The following DCUN1D3 variants were observed in gnomAD, a reference collection of about 807,000 sequenced individuals.
The protein encoded by DCUN1D3 is DCN1-like protein 3.
DCUN1D3 carries 6 observed loss-of-function variants against 24.8 expected under a neutral mutation model. The ratio of observed to expected loss-of-function variants is 0.24; its 90% confidence interval spans 0.13 to 0.48. The LOEUF (loss-of-function observed/expected upper bound fraction) is 0.48, where lower values mean the gene tolerates loss of function less well. DCUN1D3 is among the 20% of genes least tolerant of loss of function. The probability of loss-of-function intolerance (pLI) is 0.99; values close to 1 mark genes in which losing one functional copy is unlikely to be tolerated. For synonymous variants in DCUN1D3, 120 were observed against 144.9 expected (o/e 0.83, Z 1.24); for missense variants, 258 against 379.4 (o/e 0.68, Z 2.66).
chr16:20,896,465 T>C (rs1307623239), intron 1 of DCUN1D3: 1 of 152,184 alleles, frequency 6.6e-6, no homozygotes, highest in African/African-American at 2.4e-5. Context: ...CTTAAATTTG[T>C]GGATTCTTTC....
chr16:20,862,288 T>C lies in DCUN1D3; in HGVS notation c.251A>G (p.Glu84Gly), dbSNP rs2081737530. 6.2e-7 allele frequency: 1 copy of C among 1,614,104 alleles called. No homozygotes were observed. Among genetic ancestry groups the C allele is most frequent in the Non-Finnish European group, 8.5e-7 (1 of 1,180,054 alleles). ...DAGRESKSNAEESSLQRLEEL... is the reference protein window; with the variant it reads ...DAGRESKSNAGESSLQRLEEL... ...TTCCAATCTTTGCAAGGAAGACTCCTCGGCATTGGACTTGGACTCCCTCCC... is the reference window on the plus strand; with the variant it reads ...TTCCAATCTTTGCAAGGAAGACTCCCCGGCATTGGACTTGGACTCCCTCCC... Residue 84 changes from glutamate (E) to glycine (G), a missense_variant, in exon 2 of 3, where the codon GAG becomes GGG. Glu to Gly is a moderately conservative substitution (Grantham distance 98). Coordinates refer to ENST00000324344, the MANE Select transcript of DCUN1D3 (RefSeq NM_173475.4).
intron 1 of DCUN1D3, among the ~76,000 whole-genome samples, chr16:20,868,313 A>T (rs568729762): frequency 3.3e-5 from 5 of 152,364 alleles, no homozygotes; most frequent in African/African-American, 1.2e-4. Flanking sequence ...AGCTCTGTGA[A>T]GCAATTACCC....
intron 1 of DCUN1D3, among the ~76,000 whole-genome samples, chr16:20,893,993 G>A (rs1463216357): frequency 1.3e-5 from 2 of 152,316 alleles, no homozygotes; most frequent in East Asian, 3.9e-4. Flanking sequence ...CAGGCCAGGT[G>A]TGGTGGCTCA....
At chr16:20,864,824 G>T (rs1238442235) in intron 1 of DCUN1D3, among the ~76,000 whole-genome samples, 4 of 152,180 alleles carry the variant, frequency 2.6e-5, no homozygotes, top group African/African-American at 9.7e-5. Context: ...AAAAGAACGA[G>T]ATCATGTCTT....
rs2152516032 is a variant in DCUN1D3, at chr16:20,862,624, A to G, written c.-86T>C. On this transcript the variant is annotated 5_prime_UTR_variant, in exon 2 of 3. Transcript: ENST00000324344. ...GGCCCATGTACCTCAACATGCCATC[A>G]GCCAGAGGAGCCAGCCAACCTGGAA... 6.6e-7 allele frequency: 1 copy of G among 1,520,042 alleles called. No individual in the cohort carries two copies. The highest frequency in any genetic ancestry group is 2.1e-5 in the Admixed American group (1 of 46,752). 94.2% of individuals were successfully genotyped at this position (1,520,042 alleles called of 1,614,324 possible).
rs543733330 is a variant in DCUN1D3 at position 20,863,929 on chromosome 16, CTG to C, written c.-105-1288_-105-1287del. On this transcript the variant is annotated intron_variant, in intron 1 of 2. Transcript: ENST00000324344. ...TAACCGGCTAGCCATATGCAGAAGA[CTG>C]AGGCTGGATCCCTTCCTTACACCAT... Among the ~76,000 whole-genome samples, 230 of 152,282 alleles carry C rather than the reference CTG, an allele frequency of 1.5e-3. 1 individual carries two copies. The highest frequency in any genetic ancestry group is 5.3e-3 in the African/African-American group (222 of 41,562).
At chr16:20,862,720 G>T in intron 1 of DCUN1D3, 77 bp from the exon 2 acceptor site, 2 of 1,310,326 alleles carry the variant, frequency 1.5e-6, no homozygotes, top group Admixed American at 2.9e-5. Context: ...GGTGCACACT[G>T]GTTCACCGCT....
At chr16:20,897,771 T>C (rs1460102790) in intron 1 of DCUN1D3, among the ~76,000 whole-genome samples, 1 of 152,216 alleles carries the variant, frequency 6.6e-6, no homozygotes, top group African/African-American at 2.4e-5. Context: ...GCTGAAAATC[T>C]GAACACCCAG....
chr16:20,861,814 A>G (rs2081734872), intron 2 of DCUN1D3, among the ~76,000 whole-genome samples: 1 of 152,132 alleles, frequency 6.6e-6, no homozygotes, highest in African/African-American at 2.4e-5. Flanking sequence ...CCAGACATGA[A>G]TCTCTATCAA....
chr16:20,856,861 CTTG>C lies in DCUN1D3; in HGVS notation c.*3022_*3024del. ...GAGTTATTTCTTATTTCCCAACACA[CTTG>C]TTTGTTGTTGCCCTCAGATGTTGCC... On this transcript the variant is annotated 3_prime_UTR_variant, in exon 3 of 3. Transcript: ENST00000324344. 1 of 152,332 alleles carries C rather than the reference CTTG, an allele frequency of 6.6e-6. No homozygotes were observed. The highest frequency in any genetic ancestry group is 1.9e-4 in the East Asian group (1 of 5,192). 9.4% of individuals were successfully genotyped at this position (152,332 alleles called of 1,614,324 possible).
chr16:20,876,016 A>G (rs538052708), intron 1 of DCUN1D3, among the ~76,000 whole-genome samples: 1 of 152,200 alleles, frequency 6.6e-6, no homozygotes, highest in East Asian at 1.9e-4. Flanking sequence ...CCCACGCTGG[A>G]GTGCAGTGGC....
chr16:20,888,291 T>A (rs922856627), intron 1 of DCUN1D3, among the ~76,000 whole-genome samples: 4 of 152,150 alleles, frequency 2.6e-5, no homozygotes, highest in African/African-American at 9.7e-5. Flanking sequence ...TCTTATTGAA[T>A]CCTCACAACC....
rs1409827461 is a variant in DCUN1D3, at chr16:20,857,969, C to T, written c.*1917G>A. On this transcript the variant is annotated 3_prime_UTR_variant, in exon 3 of 3. Transcript: ENST00000324344. ...ACAATGGAACTCAAAACATGCAATTCCTGCCCAGGCTGAGAAACATACCTG... is the reference window on the plus strand; with the variant it reads ...ACAATGGAACTCAAAACATGCAATTTCTGCCCAGGCTGAGAAACATACCTG... 7 of 152,620 alleles carry T rather than the reference C, an allele frequency of 4.6e-5. No individual in the cohort carries two copies. The highest frequency in any genetic ancestry group is 8.8e-5 in the Non-Finnish European group (6 of 68,060). 9.5% of individuals were successfully genotyped at this position (152,620 alleles called of 1,614,324 possible). A position where few individuals can be genotyped will look rare whatever the true frequency, so the allele number is the denominator to read the frequency against.
rs114303817 is a variant in DCUN1D3 at position 20,879,806 on chromosome 16, C to T, written c.-105-17163G>A. On this transcript the variant is annotated intron_variant, in intron 1 of 2. Coordinates refer to ENST00000324344, the MANE Select transcript of DCUN1D3 (RefSeq NM_173475.4). ...TCTGCCAGGCAGCCAAGATTAACTC[C>T]TATTCACCCAGGTTATGACTCGGTA... is the stretch of plus-strand genomic sequence containing the variant. 3.8e-3 allele frequency among the ~76,000 whole-genome samples: 576 copies of T among 152,330 alleles called. 3 individuals are homozygous for T. The highest frequency in any genetic ancestry group is 0.013 in the African/African-American group (534 of 41,578).
At chr16:20,888,183 G>C (rs1465253694) in intron 1 of DCUN1D3, among the ~76,000 whole-genome samples, 3 of 152,206 alleles carry the variant, frequency 2.0e-5, no homozygotes, top group Non-Finnish European at 4.4e-5. Flanking sequence ...GCCATTCCAG[G>C]TGGGCATAGC....
chr16:20,861,207 T>G (rs1428481186), intron 2 of DCUN1D3, among the ~76,000 whole-genome samples: 2 of 152,192 alleles, frequency 1.3e-5, no homozygotes, highest in Admixed American at 6.5e-5. Context: ...GCGGGCAACA[T>G]GCTAAGTACC....
Position 20,877,060 on chromosome 16 carries a change from T to C in DCUN1D3, c.-105-14417A>G, listed in dbSNP as rs557773368. ...GTGACTCCAGTCAACAATAATCTAA[T>C]GTACATTTCAAAATAGGTGGAAGAG... On this transcript the variant is annotated intron_variant, in intron 1 of 2. Transcript: ENST00000324344. Among the ~76,000 whole-genome samples, 101 of 152,206 alleles carry C rather than the reference T, an allele frequency of 6.6e-4. 1 individual carries two copies. Among genetic ancestry groups the C allele is most frequent in the South Asian group, 2.9e-3 (14 of 4,826 alleles).
chr16:20,865,388 A>G (rs2081756626), intron 1 of DCUN1D3, among the ~76,000 whole-genome samples: 3 of 152,190 alleles, frequency 2.0e-5, no homozygotes, highest in African/African-American at 7.2e-5. Context: ...GGTTTTTTAA[A>G]CAAATTGCTA....
Position 20,857,410 on chromosome 16 carries a change from T to C in DCUN1D3, c.*2476A>G, listed in dbSNP as rs1175329215. On this transcript the variant is annotated 3_prime_UTR_variant, in exon 3 of 3. Coordinates refer to ENST00000324344, the MANE Select transcript of DCUN1D3 (RefSeq NM_173475.4). ...ATGCACGGAATGTCTTCTTAAAGGG[T>C]GGGGAAGGAACCTAGTTTCTCCAGA... 1 of 152,050 alleles carries C rather than the reference T, an allele frequency of 6.6e-6. No individual in the cohort carries two copies. The highest frequency in any genetic ancestry group is 1.5e-5 in the Non-Finnish European group (1 of 68,014). The allele number at this position is 152,050 out of a possible 1,614,324, so 9.4% of individuals were successfully genotyped here.
Sources: allele counts gnomAD v4.1 joint callset (sites outside exome capture counted in the v4.1 genomes callset), GRCh38; gene constraint gnomAD v4.1.1; transcripts MANE v1.5; gene names NCBI Gene and HGNC (gene_info 2026-07-23, HGNC 2026-07-21).